Variants in SLC35D4 observed in about 807,000 individuals in gnomAD.
The protein encoded by SLC35D4 is solute carrier family 35 member D4.
chr18:23,281,273 T>C, the SLC35D4 span, among the ~76,000 whole-genome samples: 2 of 152,276 alleles, frequency 1.3e-5, no homozygotes, highest in African/African-American at 4.8e-5. Flanking sequence ...ACACTTCAAA[T>C]GGGTACATCT....
At chr18:23,272,198 A>G in the SLC35D4 span, among the ~76,000 whole-genome samples, 82 of 152,234 alleles carry the variant, frequency 5.4e-4, no homozygotes, top group African/African-American at 2.0e-3. Context: ...AGATAGTGTC[A>G]GAACTGAACT....
chr18:23,240,607 G>C, the SLC35D4 span, among the ~76,000 whole-genome samples: 10 of 152,254 alleles, frequency 6.6e-5, no homozygotes, highest in African/African-American at 2.4e-4. Context: ...AATGCTCAGT[G>C]ATTGGGGAAG....
chr18:23,374,526 C>A, the SLC35D4 span, among the ~76,000 whole-genome samples: 1 of 149,092 alleles, frequency 6.7e-6, no homozygotes, highest in Non-Finnish European at 1.5e-5. Flanking sequence ...ACTCTTGTTG[C>A]CCAGGCTGGA....
the SLC35D4 span, among the ~76,000 whole-genome samples, chr18:23,238,823 T>C: frequency 6.6e-6 from 1 of 152,214 alleles, no homozygotes; most frequent in Non-Finnish European, 1.5e-5. Flanking sequence ...TCGAGGCTGT[T>C]TTCACGTTGC....
chr18:23,314,985 G>T, the SLC35D4 span, among the ~76,000 whole-genome samples: 1 of 152,224 alleles, frequency 6.6e-6, no homozygotes, highest in African/African-American at 2.4e-5. Context: ...TTTCAATCCT[G>T]AGACAAATTT....
At chr18:23,277,713 T>C in the SLC35D4 span, among the ~76,000 whole-genome samples, 2 of 152,166 alleles carry the variant, frequency 1.3e-5, no homozygotes, top group South Asian at 4.1e-4. Flanking sequence ...TAACTAGGGA[T>C]TTCTAGCCAA....
chr18:23,270,522 G>A, the SLC35D4 span, among the ~76,000 whole-genome samples: 7 of 152,188 alleles, frequency 4.6e-5, no homozygotes, highest in African/African-American at 1.7e-4. Context: ...CCAGACCCCA[G>A]AATGGTAGAT....
At chr18:23,274,360 T>G in the SLC35D4 span, among the ~76,000 whole-genome samples, 3 of 152,156 alleles carry the variant, frequency 2.0e-5, no homozygotes, top group Admixed American at 2.0e-4. Flanking sequence ...GATCGAGGGA[T>G]TGGGAAAGAC....
the SLC35D4 span, among the ~76,000 whole-genome samples, chr18:23,393,152 T>C: frequency 6.6e-6 from 1 of 152,148 alleles, no homozygotes; most frequent in East Asian, 1.9e-4. Context: ...CCTGACTTCA[T>C]GATCCATCCA....
At chr18:23,317,650 G>C in the SLC35D4 span, among the ~76,000 whole-genome samples, 4 of 152,120 alleles carry the variant, frequency 2.6e-5, no homozygotes, top group Non-Finnish European at 4.4e-5. Flanking sequence ...AGTGTCACTT[G>C]TGTCCCCATA....
the SLC35D4 span, among the ~76,000 whole-genome samples, chr18:23,424,594 C>G: frequency 2.6e-5 from 4 of 152,296 alleles, no homozygotes; most frequent in African/African-American, 7.2e-5. Flanking sequence ...AGTCCCTCTA[C>G]CTTTAGAGAT....
At chr18:23,301,473 C>G in the SLC35D4 span, among the ~76,000 whole-genome samples, 1 of 152,162 alleles carries the variant, frequency 6.6e-6, no homozygotes. Context: ...GATAAGAAAT[C>G]TTTACTCAAA....
chr18:23,414,327 A>C, the SLC35D4 span, among the ~76,000 whole-genome samples: 2 of 139,788 alleles, frequency 1.4e-5, no homozygotes, highest in African/African-American at 6.1e-5. Context: ...GGAAGGAAGG[A>C]AGGAAGGCAG....
At chr18:23,413,272 T>G in the SLC35D4 span, among the ~76,000 whole-genome samples, 1 of 152,214 alleles carries the variant, frequency 6.6e-6, no homozygotes, top group African/African-American at 2.4e-5. Flanking sequence ...TTTTTTCTGA[T>G]CCAAGATTCT....
the SLC35D4 span, among the ~76,000 whole-genome samples, chr18:23,299,708 C>A: frequency 1.3e-5 from 2 of 152,078 alleles, no homozygotes; most frequent in Admixed American, 1.3e-4. Flanking sequence ...ACCGTGATCT[C>A]CCCTCTCTGG....
the SLC35D4 span, among the ~76,000 whole-genome samples, chr18:23,342,716 T>C: frequency 1.3e-5 from 2 of 152,242 alleles, no homozygotes; most frequent in Non-Finnish European, 2.9e-5. Flanking sequence ...CTCCACATCC[T>C]TGCCAACATT....
the SLC35D4 span, among the ~76,000 whole-genome samples, chr18:23,350,301 G>A: frequency 6.6e-6 from 1 of 152,080 alleles, no homozygotes; most frequent in Non-Finnish European, 1.5e-5. Flanking sequence ...CCTCATGTCT[G>A]CATAGCTTAG....
the SLC35D4 span, among the ~76,000 whole-genome samples, chr18:23,354,361 A>AAG: frequency 7.9e-6 from 1 of 126,056 alleles, no homozygotes; most frequent in Admixed American, 7.5e-5. Flanking sequence ...AAAAAAAAAA[A>AAG]AAAAAGAAAA....
the SLC35D4 span, among the ~76,000 whole-genome samples, chr18:23,353,089 G>GTGTGTGTGTA: frequency 1.7e-5 from 2 of 116,160 alleles, no homozygotes; most frequent in African/African-American, 6.4e-5. Context: ...GTGTGTGTGT[G>GTGTGTGTGTA]TGTGTGTGTG....
Sources: allele counts gnomAD v4.1 joint callset (sites outside exome capture counted in the v4.1 genomes callset), GRCh38; gene constraint gnomAD v4.1.1; transcripts MANE v1.5; gene names NCBI Gene and HGNC (gene_info 2026-07-23, HGNC 2026-07-21).